Variants in STIM1 observed in about 807,000 individuals in gnomAD.
STIM1 encodes stromal interaction molecule 1.
STIM1 carries 25 observed loss-of-function variants against 74.7 expected under a neutral mutation model. The ratio of observed to expected loss-of-function variants is 0.33; its 90% confidence interval spans 0.24 to 0.47. STIM1 has a LOEUF of 0.47. Ranked by LOEUF, STIM1 falls within the 20% of genes least tolerant of loss-of-function variation. STIM1 has a pLI of 1.00. For synonymous variants in STIM1, 328 were observed against 348.8 expected, an observed-to-expected ratio of 0.94 and a Z score of 0.66; for missense variants, 728 against 920.8, an observed-to-expected ratio of 0.79 and a Z score of 2.71.
chr11:4,086,456 C>CT, intron 11 of STIM1, 21 bp from the exon 12 acceptor site: 1 of 1,613,410 alleles, frequency 6.2e-7, no homozygotes. Flanking sequence ...CCTCCTGACA[C>CT]TTTCTTTATT....
At chr11:3,901,360 C>T (rs2092343816) in intron 1 of STIM1, among the ~76,000 whole-genome samples, 1 of 151,854 alleles carries the variant, frequency 6.6e-6, no homozygotes, top group Non-Finnish European at 1.5e-5. Flanking sequence ...TTTTTTTATC[C>T]TCAAAAACCA....
rs568708748 is a variant in STIM1 at position 4,089,076 on chromosome 11, A to G, written c.1635-2206A>G. 1.7e-3 allele frequency: 481 copies of G among 289,988 alleles called. 4 individuals are homozygous for G. The highest frequency in any genetic ancestry group is 9.1e-3 in the African/African-American group (424 of 46,482). 18.0% of individuals were successfully genotyped at this position (289,988 alleles called of 1,614,324 possible). ...GTGAGACCCTGTCTCTACAAAAAAAAAATCAAAAATTTAGTTGGGCATGGT... is the reference window on the plus strand; with the variant it reads ...GTGAGACCCTGTCTCTACAAAAAAAGAATCAAAAATTTAGTTGGGCATGGT... On this transcript the variant is annotated intron_variant, in intron 12 of 12. Coordinates refer to ENST00000526596, the MANE Select transcript of STIM1 (RefSeq NM_001382567.1).
intron 2 of STIM1, among the ~76,000 whole-genome samples, chr11:3,972,402 T>C (rs1404250711): frequency 6.6e-6 from 1 of 152,268 alleles, no homozygotes; most frequent in Non-Finnish European, 1.5e-5. Flanking sequence ...TACATTCTTA[T>C]GATTGCCTCT....
chr11:3,993,733 T>C (rs1452662123), intron 2 of STIM1, among the ~76,000 whole-genome samples: 1 of 152,150 alleles, frequency 6.6e-6, no homozygotes, highest in Non-Finnish European at 1.5e-5. Context: ...AAAGAGACCT[T>C]TCCCAGACCA....
rs771983048 is a variant in STIM1 at position 4,091,556 on chromosome 11, G to T, written c.1909G>T (p.Gly637Cys). 2 of 1,614,064 alleles carry T rather than the reference G, an allele frequency of 1.2e-6. No homozygotes were observed. Among genetic ancestry groups the T allele is most frequent in the African/African-American group, 1.3e-5 (1 of 74,908 alleles). ...GGAGCTGAGCCCCTCAGCCCCACCT[G>T]GTGGCTCTCCACATTTGGATTCTTC... ...LMELSPSAPP[G>C]GSPHLDSSRS... The change falls in exon 13 of 13, where the codon GGT becomes TGT. Residue 637 changes from glycine (G) to cysteine (C), a missense_variant. Around this residue, in one of 5 missense-constraint regions of STIM1, gnomAD observed 352 missense variants for 370.1 expected, o/e 0.95. Transcript: ENST00000526596.
intron 3 of STIM1, among the ~76,000 whole-genome samples, chr11:4,032,533 C>A (rs2094059871): frequency 6.6e-6 from 1 of 152,108 alleles, no homozygotes; most frequent in African/African-American, 2.4e-5. Context: ...CTTGAATAAA[C>A]CTGTCAATTT....
chr11:4,023,330 GACAA>G (rs74727994), intron 2 of STIM1, among the ~76,000 whole-genome samples: 7,804 of 150,832 alleles, frequency 0.052, 258 homozygotes, highest in African/African-American at 0.089. Flanking sequence ...TCTGTCTCAA[GACAA>G]ACAAACAAAC....
chr11:3,979,203 A>G (rs564486726), intron 2 of STIM1, among the ~76,000 whole-genome samples: 94 of 152,232 alleles, frequency 6.2e-4, no homozygotes, highest in African/African-American at 2.0e-3. Context: ...TAATAATTAT[A>G]TTCCCTTTTG....
chr11:4,014,703 C>A (rs1262402870), intron 2 of STIM1, among the ~76,000 whole-genome samples: 1 of 152,156 alleles, frequency 6.6e-6, no homozygotes, highest in African/African-American at 2.4e-5. Context: ...TTGTAGGTCA[C>A]TCAGGACTTG....
intron 1 of STIM1, among the ~76,000 whole-genome samples, chr11:3,876,337 T>C (rs1021722124): frequency 6.6e-6 from 1 of 152,332 alleles, no homozygotes; most frequent in East Asian, 1.9e-4. Flanking sequence ...AATTAATGGA[T>C]AAACAGTTGA....
chr11:4,077,755 T>A (rs1164886251), intron 7 of STIM1, among the ~76,000 whole-genome samples: 2 of 152,194 alleles, frequency 1.3e-5, no homozygotes, highest in Admixed American at 6.5e-5. Flanking sequence ...TATTGATCTA[T>A]CTTTTAAGTT....
At chr11:3,874,397 C>T (rs1172708709) in intron 1 of STIM1, among the ~76,000 whole-genome samples, 1 of 152,226 alleles carries the variant, frequency 6.6e-6, no homozygotes, top group South Asian at 2.1e-4. Context: ...TAGTGTTTTA[C>T]ACACCTATCT....
chr11:4,066,107 T>C (rs2094363564), intron 5 of STIM1, among the ~76,000 whole-genome samples: 1 of 152,238 alleles, frequency 6.6e-6, no homozygotes, highest in Admixed American at 6.5e-5. Flanking sequence ...GACCTCATTT[T>C]GCTAAAATCT....
At position 3,892,578 on chromosome 11, in the gene STIM1, C is replaced by T. The variant is rs1397172359; in HGVS notation, c.139+36169C>T. On this transcript the variant is annotated intron_variant, in intron 1 of 12. Coordinates refer to ENST00000526596, the MANE Select transcript of STIM1 (RefSeq NM_001382567.1). Reference sequence around the variant, plus strand: ...AACTGGGAACTGTTTGTGTTGGGTCCAGCATTTGCCATGGACAAGATGCCA... The same window carrying T: ...AACTGGGAACTGTTTGTGTTGGGTCTAGCATTTGCCATGGACAAGATGCCA... 12 of 1,601,514 alleles carry T rather than the reference C, an allele frequency of 7.5e-6. No individual in the cohort carries two copies. The Admixed American group carries it at 1.7e-4, about 22-fold the overall frequency.
rs1164909195 is a variant in STIM1, at chr11:3,889,406, C to T, written c.139+32997C>T. 5.5e-5 allele frequency among the ~76,000 whole-genome samples: 8 copies of T among 146,226 alleles called. No individual in the cohort carries two copies. The East Asian group carries it at 6.0e-4, about 11-fold the overall frequency. On this transcript the variant is annotated intron_variant, in intron 1 of 12. Coordinates refer to ENST00000526596, the MANE Select transcript of STIM1 (RefSeq NM_001382567.1). ...TTTTTGAGATAGAGTCTCGCTTTGT[C>T]GCCCAGGCTGGAGAGCAATGGCACG...
At chr11:3,998,425 A>G (rs577337118) in intron 2 of STIM1, among the ~76,000 whole-genome samples, 1 of 152,298 alleles carries the variant, frequency 6.6e-6, no homozygotes, top group African/African-American at 2.4e-5. Flanking sequence ...TTCAATAGAC[A>G]ATTATGTCTT....
chr11:3,914,395 A>G (rs1590560004), intron 1 of STIM1, among the ~76,000 whole-genome samples: 1 of 152,114 alleles, frequency 6.6e-6, no homozygotes, highest in East Asian at 1.9e-4. Flanking sequence ...TTAGACTGCT[A>G]TGCTATGGAC....
At chr11:3,903,380 A>G (rs2092396601) in intron 1 of STIM1, 1 of 152,250 alleles carries the variant, frequency 6.6e-6, no homozygotes, top group Non-Finnish European at 1.5e-5. Flanking sequence ...ATGGAAGGCA[A>G]GAAGACCAGC....
intron 11 of STIM1, chr11:4,086,267 G>C (rs887613198): frequency 1.6e-6 from 1 of 606,924 alleles, no homozygotes; most frequent in South Asian, 2.0e-5. Context: ...TATTGGAATT[G>C]CCACTAAAAC....
Sources: allele counts gnomAD v4.1 joint callset (sites outside exome capture counted in the v4.1 genomes callset), GRCh38; gene constraint gnomAD v4.1.1; regional missense constraint gnomAD v4.1.1; transcripts MANE v1.5; gene names NCBI Gene and HGNC (gene_info 2026-07-23, HGNC 2026-07-21).